The following RPS6KC1 variants were observed in gnomAD, a reference collection of about 807,000 sequenced individuals.
RPS6KC1 encodes the protein ribosomal protein S6 kinase C1.
A neutral mutation model predicts 103.8 loss-of-function variants in RPS6KC1; 54 were observed. That is an observed-to-expected ratio of 0.52 (90% confidence interval 0.42 to 0.65). The LOEUF is 0.65. RPS6KC1 is among the 30% of genes least tolerant of loss of function. The pLI is 0.00. For missense variants in RPS6KC1, 1,151 were observed against 1,253.8 expected (o/e 0.92, Z 1.24); for synonymous variants, 439 against 438.7 (o/e 1.00, Z -0.01).
intron 1 of RPS6KC1, among the ~76,000 whole-genome samples, chr1:213,070,595 A>G (rs1462250990): frequency 1.3e-5 from 2 of 152,202 alleles, no homozygotes; most frequent in Admixed American, 6.5e-5. Context: ...GATGTACAGA[A>G]AAGGAAACTG....
At chr1:213,443,468 A>T in the RPS6KC1 span, among the ~76,000 whole-genome samples, 1 of 152,046 alleles carries the variant, frequency 6.6e-6, no homozygotes, top group Admixed American at 6.5e-5. Context: ...GGCCTTTTGG[A>T]TTTCTGTACA....
chr1:213,732,218 G>A, the RPS6KC1 span, among the ~76,000 whole-genome samples: 3 of 152,094 alleles, frequency 2.0e-5, no homozygotes, highest in African/African-American at 7.2e-5. Context: ...TACCCCTGAT[G>A]GGGAAGGAGG....
chr1:213,310,046 A>T, the RPS6KC1 span, among the ~76,000 whole-genome samples: 1 of 151,976 alleles, frequency 6.6e-6, no homozygotes, highest in Non-Finnish European at 1.5e-5. Context: ...CCCCTCTTTC[A>T]ATGTATACCT....
At chr1:213,777,885 A>G in the RPS6KC1 span, among the ~76,000 whole-genome samples, 2 of 152,306 alleles carry the variant, frequency 1.3e-5, no homozygotes, top group African/African-American at 4.8e-5. Context: ...AGGGACTTTC[A>G]AGTGCTTTAT....
intron 5 of RPS6KC1, among the ~76,000 whole-genome samples, chr1:213,123,863 AGACC>A (rs1396548065): frequency 6.6e-6 from 1 of 152,182 alleles, no homozygotes; most frequent in African/African-American, 2.4e-5. Context: ...CACCCATGAG[AGACC>A]ACCTGTTGTT....
At chr1:213,271,562 G>A (rs375045240) in intron 14 of RPS6KC1, among the ~76,000 whole-genome samples, 4 of 152,026 alleles carry the variant, frequency 2.6e-5, no homozygotes, top group African/African-American at 9.7e-5. Flanking sequence ...TCAGGAGATC[G>A]AGACCATCCT....
the RPS6KC1 span, among the ~76,000 whole-genome samples, chr1:213,778,197 T>G: frequency 6.6e-6 from 1 of 152,198 alleles, no homozygotes; most frequent in Non-Finnish European, 1.5e-5. Flanking sequence ...GAGGATTGCC[T>G]CAATAAATAT....
chr1:213,214,311 C>T (rs200604206), intron 8 of RPS6KC1, among the ~76,000 whole-genome samples: 32 of 152,376 alleles, frequency 2.1e-4, no homozygotes, highest in Middle Eastern at 6.8e-3. Flanking sequence ...AACTGCAAGG[C>T]GGCAGCGAGG....
the RPS6KC1 span, among the ~76,000 whole-genome samples, chr1:213,754,245 C>T: frequency 6.6e-6 from 1 of 152,336 alleles, no homozygotes; most frequent in African/African-American, 2.4e-5. Flanking sequence ...GCCGTCTTCT[C>T]TCTACGTCCT....
intron 4 of RPS6KC1, among the ~76,000 whole-genome samples, chr1:213,113,754 A>G (rs2083278396): frequency 6.6e-6 from 1 of 152,054 alleles, no homozygotes; most frequent in Non-Finnish European, 1.5e-5. Flanking sequence ...TAAGGAAGGG[A>G]TCCAGTTTCA....
chr1:213,105,436 T>G (rs1259546903), intron 4 of RPS6KC1, among the ~76,000 whole-genome samples: 1 of 152,102 alleles, frequency 6.6e-6, no homozygotes, highest in Non-Finnish European at 1.5e-5. Flanking sequence ...TCTTAGCCTA[T>G]ATAACCAGTG....
intron 8 of RPS6KC1, among the ~76,000 whole-genome samples, chr1:213,204,435 T>C (rs2148608385): frequency 6.6e-6 from 1 of 152,288 alleles, no homozygotes; most frequent in East Asian, 1.9e-4. Flanking sequence ...CCTTTATTTG[T>C]AGTACAATAA....
the RPS6KC1 span, among the ~76,000 whole-genome samples, chr1:213,554,430 G>C: frequency 1.3e-5 from 2 of 152,142 alleles, no homozygotes; most frequent in African/African-American, 4.8e-5. Context: ...TAGCCTTGTA[G>C]TATAGCCTTG....
intron 1 of RPS6KC1, among the ~76,000 whole-genome samples, chr1:213,065,753 A>G (rs1011128029): frequency 3.9e-5 from 6 of 152,250 alleles, no homozygotes; most frequent in Non-Finnish European, 8.8e-5. Context: ...AGTACCTGGC[A>G]GCAGAGTAGG....
chr1:213,581,804 G>A, the RPS6KC1 span, among the ~76,000 whole-genome samples: 326 of 152,170 alleles, frequency 2.1e-3, 1 homozygote, highest in African/African-American at 7.3e-3. Flanking sequence ...TGCATTCGCT[G>A]GTATTATGCT....
chr1:213,399,635 G>A, the RPS6KC1 span, among the ~76,000 whole-genome samples: 880 of 152,092 alleles, frequency 5.8e-3, 16 homozygotes, highest in African/African-American at 0.02. Context: ...CGGGCCAATG[G>A]GTGCATGAAG....
At chr1:213,445,964 C>G in the RPS6KC1 span, among the ~76,000 whole-genome samples, 1 of 152,234 alleles carries the variant, frequency 6.6e-6, no homozygotes, top group East Asian at 1.9e-4. Flanking sequence ...CCTCCTCCCA[C>G]CCTTGGTGGG....
At chr1:213,677,780 G>A in the RPS6KC1 span, among the ~76,000 whole-genome samples, 2 of 152,110 alleles carry the variant, frequency 1.3e-5, no homozygotes, top group East Asian at 3.9e-4. Context: ...GGCTGAGGTG[G>A]GTGGATCACG....
At chr1:213,393,591 T>C in the RPS6KC1 span, among the ~76,000 whole-genome samples, 6 of 152,208 alleles carry the variant, frequency 3.9e-5, no homozygotes, top group Non-Finnish European at 7.3e-5. Flanking sequence ...ATAATCGCCA[T>C]TTTCCACGCT....
Sources: gnomAD v4.1 joint callset for allele counts (sites outside exome capture counted in the v4.1 genomes callset) on GRCh38, gnomAD v4.1.1 for gene constraint, MANE v1.5 for transcripts, NCBI Gene and HGNC (gene_info 2026-07-23, HGNC 2026-07-21) for gene names.